The following PLCE1 variants were observed in gnomAD, a reference collection of about 807,000 sequenced individuals.
PLCE1 encodes the protein 1-phosphatidylinositol 4,5-bisphosphate phosphodiesterase epsilon-1.
Under a neutral mutation model 242.8 loss-of-function variants are expected in PLCE1, and 119 were observed. The ratio of observed to expected loss-of-function variants is 0.49; its 90% CI spans 0.42 to 0.57. The LOEUF is 0.57. Among genes scored for constraint, PLCE1 ranks in the 20% least tolerant of loss-of-function variants. PLCE1 has a pLI of 0.00. For synonymous variants in PLCE1, 945 were observed against 1,017.4 expected (o/e 0.93, Z 1.35); for missense variants, 2,441 against 2,788.8 (o/e 0.88, Z 2.81).
intron 3 of PLCE1, among the ~76,000 whole-genome samples, chr10:94,143,683 A>T (rs979174435): frequency 8.1e-4 from 123 of 152,366 alleles, no homozygotes; most frequent in African/African-American, 2.7e-3. Flanking sequence ...TAAAGTAACA[A>T]AAAGATATTT....
At chr10:94,000,930 G>A (rs1273681144) in intron 1 of PLCE1, among the ~76,000 whole-genome samples, 1 of 152,170 alleles carries the variant, frequency 6.6e-6, no homozygotes, top group Admixed American at 6.5e-5. Flanking sequence ...GTTGGAACGG[G>A]GGCAAGGGTC....
intron 11 of PLCE1, among the ~76,000 whole-genome samples, chr10:94,255,914 A>ACACACACACACACACTCT (rs1284531207): frequency 1.5e-5 from 1 of 67,286 alleles, no homozygotes; most frequent in East Asian, 6.6e-4. Flanking sequence ...ACACACACAC[A>ACACACACACACACACTCT]CTCTCTCTCT....
Position 94,283,886 on chromosome 10 carries a change from A to G in PLCE1, c.4892A>G (p.Asp1631Gly), listed in dbSNP as rs1294281128. 6.2e-7 allele frequency: 1 copy of G among 1,612,120 alleles called. No individual in the cohort carries two copies. Among genetic ancestry groups the G allele is most frequent in the Non-Finnish European group, 8.5e-7 (1 of 1,178,596 alleles). ...ATCCCAAAGAGGATAAAGAAAGCAG[A>G]TAACTCTGCTTGCAACAAAGGAAAG... ...EEIPKRIKKA[D>G]NSACNKGKVY... Residue 1631 changes from aspartate to glycine, a missense_variant, in exon 21 of 33, where the codon GAT becomes GGT. By Grantham distance (94) the Asp-to-Gly change is moderately conservative. Around this residue, in one of 5 missense-constraint regions of PLCE1, gnomAD observed 1,004 missense variants for 1,322.7 expected, o/e 0.76. Coordinates refer to ENST00000371380, the MANE Select transcript of PLCE1 (RefSeq NM_016341.4).
chr10:94,096,178 G>T (rs1014531526), intron 2 of PLCE1, among the ~76,000 whole-genome samples: 3 of 152,116 alleles, frequency 2.0e-5, no homozygotes, highest in Non-Finnish European at 4.4e-5. Flanking sequence ...CCAGAACCAG[G>T]ATTTAGAAAA....
chr10:94,176,307 G>A (rs1251655542), intron 4 of PLCE1, among the ~76,000 whole-genome samples: 1 of 152,134 alleles, frequency 6.6e-6, no homozygotes, highest in African/African-American at 2.4e-5. Flanking sequence ...GGCTGAGGTG[G>A]GAGGATTGCC....
At position 94,309,158 on chromosome 10, in the gene PLCE1, C is replaced by T. The variant is rs76938478; in HGVS notation, c.6003+459C>T. Among the ~76,000 whole-genome samples the T allele has an allele frequency of 6.2e-3, 937 of 152,330 alleles. 11 individuals are homozygous for T. Among genetic ancestry groups the T allele is most frequent in the African/African-American group, 0.021 (869 of 41,574 alleles). ...CCAGGAAAATATTTTGTTTCTTCAG[C>T]AGTCCAGGGGCAAATGTCACAGGCA... On this transcript the variant is annotated intron_variant, in intron 27 of 32. Transcript: ENST00000371380.
chr10:94,201,579 C>T (rs2048987360), intron 4 of PLCE1, among the ~76,000 whole-genome samples: 1 of 152,154 alleles, frequency 6.6e-6, no homozygotes, highest in Non-Finnish European at 1.5e-5. Context: ...GGGTTCACGC[C>T]ATTCTCCCGC....
At chr10:94,062,349 AG>A (rs1285255219) in intron 2 of PLCE1, among the ~76,000 whole-genome samples, 1 of 152,016 alleles carries the variant, frequency 6.6e-6, no homozygotes, top group Non-Finnish European at 1.5e-5. Flanking sequence ...GGCTATTCAC[AG>A]ATGTGATCAG....
At chr10:94,235,812 C>A in intron 6 of PLCE1, 103 bp from the exon 7 acceptor site, 1 of 1,434,002 alleles carries the variant, frequency 7.0e-7, no homozygotes, top group East Asian at 2.4e-5. Context: ...ATAAAATAGG[C>A]ACAAATGCCA....
At chr10:94,037,945 C>T (rs773303211) in intron 2 of PLCE1, among the ~76,000 whole-genome samples, 4 of 151,942 alleles carry the variant, frequency 2.6e-5, no homozygotes, top group Non-Finnish European at 5.9e-5. Context: ...TTTTCTTTTC[C>T]CTAGATGTCC....
intron 1 of PLCE1, among the ~76,000 whole-genome samples, chr10:94,024,298 G>A (rs1212802502): frequency 6.6e-6 from 1 of 152,028 alleles, no homozygotes; most frequent in Non-Finnish European, 1.5e-5. Context: ...AAGCAAATAG[G>A]GATATTAAAT....
intron 2 of PLCE1, among the ~76,000 whole-genome samples, chr10:94,126,610 G>A (rs887641871): frequency 7.9e-5 from 12 of 152,182 alleles, no homozygotes; most frequent in African/African-American, 2.2e-4. Context: ...GCCATGTTGT[G>A]ATGTGTTGGA....
chr10:94,036,635 C>T (rs1190194293), intron 2 of PLCE1, among the ~76,000 whole-genome samples: 2 of 152,158 alleles, frequency 1.3e-5, no homozygotes, highest in Non-Finnish European at 2.9e-5. Flanking sequence ...TCCCTCTCTC[C>T]TGCTCTGAAA....
chr10:94,293,673 T>A (rs746389853), intron 23 of PLCE1, 34 bp downstream of exon 23: 1 of 1,609,414 alleles, frequency 6.2e-7, no homozygotes, highest in South Asian at 1.1e-5. Flanking sequence ...CTTTGCTTGA[T>A]TCTGCATGCT....
At position 94,331,689 on chromosome 10, in the gene PLCE1, T is replaced by G. The variant is rs1463252146; in HGVS notation, c.*3746T>G. The G allele has an allele frequency of 1.3e-5, 2 of 152,034 alleles. No individual in the cohort carries two copies. Among genetic ancestry groups the G allele is most frequent in the African/African-American group, 4.8e-5 (2 of 41,384 alleles). The allele number at this position is 152,034 out of a possible 1,614,324, so 9.4% of individuals were successfully genotyped here. ...AAGGGAGATTGTCTCTTATACAGAG[T>G]CTAGACTTGGGTCAATATTCCCCAT... On this transcript the variant is annotated 3_prime_UTR_variant, in exon 33 of 33. Coordinates refer to ENST00000371380, the MANE Select transcript of PLCE1 (RefSeq NM_016341.4).
At chr10:94,304,207 C>T (rs1032898410) in intron 24 of PLCE1, among the ~76,000 whole-genome samples, 12 of 152,098 alleles carry the variant, frequency 7.9e-5, no homozygotes, top group African/African-American at 2.9e-4. Context: ...GTGATTTCAC[C>T]TAGTTTGGAG....
At chr10:94,228,870 G>A (rs1015404719) in intron 5 of PLCE1, among the ~76,000 whole-genome samples, 22 of 152,220 alleles carry the variant, frequency 1.4e-4, no homozygotes, top group African/African-American at 5.1e-4. Context: ...GATTCTCTTT[G>A]TGATCAATTT....
At chr10:94,041,307 G>GT (rs1044645889) in intron 2 of PLCE1, among the ~76,000 whole-genome samples, 4 of 152,138 alleles carry the variant, frequency 2.6e-5, no homozygotes, top group Non-Finnish European at 5.9e-5. Flanking sequence ...CTGCAGGCTT[G>GT]TTAGCTGTCC....
chr10:94,068,405 T>TAA (rs10651573), intron 2 of PLCE1, among the ~76,000 whole-genome samples: 1 of 151,802 alleles, frequency 6.6e-6, no homozygotes, highest in African/African-American at 2.4e-5. Context: ...AATTCAACAA[T>TAA]AAATAATACA....
Sources: allele counts gnomAD v4.1 joint callset (sites outside exome capture counted in the v4.1 genomes callset), GRCh38; gene constraint gnomAD v4.1.1; regional missense constraint gnomAD v4.1.1; transcripts MANE v1.5; gene names NCBI Gene and HGNC (gene_info 2026-07-23, HGNC 2026-07-21).